Variants in LUZP2 observed in about 807,000 individuals in gnomAD.
LUZP2 encodes leucine zipper protein 2.
In LUZP2, 52 loss-of-function variants were observed where a neutral mutation model predicts 51.6. That is an observed-to-expected ratio of 1.01 (90% CI 0.81 to 1.27). LUZP2 has a LOEUF of 1.27. Among genes scored for constraint, LUZP2 ranks in the 50% most tolerant of loss-of-function variants. The pLI is 0.00. For missense variants in LUZP2, 436 were observed against 395.4 expected, an observed-to-expected ratio of 1.10 and a Z score of -0.87; for synonymous variants, 154 against 137.3, an observed-to-expected ratio of 1.12 and a Z score of -0.85.
At chr11:24,804,317 G>T (rs1292675882) in intron 5 of LUZP2, among the ~76,000 whole-genome samples, 4 of 152,108 alleles carry the variant, frequency 2.6e-5, no homozygotes, top group Non-Finnish European at 5.9e-5. Context: ...TCAAAGGTAG[G>T]AATGTTATAG....
intron 1 of LUZP2, among the ~76,000 whole-genome samples, chr11:24,607,508 G>A (rs1271636530): frequency 6.6e-6 from 1 of 151,524 alleles, no homozygotes; most frequent in Non-Finnish European, 1.5e-5. Context: ...TCCATTGTCT[G>A]CTTTTATGTC....
rs146322700 is a variant in LUZP2 at position 25,004,431 on chromosome 11, G to A, written c.765+21138G>A. 1.1e-3 allele frequency among the ~76,000 whole-genome samples: 162 copies of A among 152,266 alleles called. 3 individuals carry two copies. The East Asian group carries it at 0.028, about 27-fold the overall frequency. ...TCTGATCTCGCTTTTCCTTTTGGGT[G>A]TGTTCCTCTTGGTCCATATTATAGA... is the stretch of plus-strand genomic sequence containing the variant. On this transcript the variant is annotated intron_variant, in intron 9 of 11. Coordinates refer to ENST00000336930, the MANE Select transcript of LUZP2 (RefSeq NM_001009909.4).
chr11:24,829,367 C>A (rs565335098), intron 5 of LUZP2, among the ~76,000 whole-genome samples: 2 of 152,234 alleles, frequency 1.3e-5, no homozygotes, highest in Non-Finnish European at 2.9e-5. Flanking sequence ...ACACCTCCCC[C>A]ACAGTGCACA....
chr11:25,058,574 C>A (rs184014916), intron 10 of LUZP2, among the ~76,000 whole-genome samples: 1 of 152,226 alleles, frequency 6.6e-6, no homozygotes, highest in Admixed American at 6.5e-5. Context: ...TCACAGTACA[C>A]CTTGTATTTT....
chr11:24,571,110 G>T (rs1464533916), intron 1 of LUZP2, among the ~76,000 whole-genome samples: 1 of 152,018 alleles, frequency 6.6e-6, no homozygotes, highest in East Asian at 1.9e-4. Context: ...AAGATCAGAT[G>T]GGTTGCCACA....
chr11:25,047,528 A>G (rs1283614605), intron 9 of LUZP2, among the ~76,000 whole-genome samples: 1 of 152,024 alleles, frequency 6.6e-6, no homozygotes, highest in Non-Finnish European at 1.5e-5. Context: ...TGCTAAAAAC[A>G]TACCTTTTCT....
intron 1 of LUZP2, among the ~76,000 whole-genome samples, chr11:24,723,085 G>A (rs1858338615): frequency 6.6e-6 from 1 of 152,078 alleles, no homozygotes; most frequent in African/African-American, 2.4e-5. Flanking sequence ...TCATGAGTGA[G>A]CATTTTATAA....
intron 7 of LUZP2, among the ~76,000 whole-genome samples, chr11:24,945,699 C>T (rs1227846208): frequency 6.6e-6 from 1 of 152,050 alleles, no homozygotes; most frequent in Non-Finnish European, 1.5e-5. Flanking sequence ...TTACATTTCT[C>T]ATGGTTTTCC....
intron 1 of LUZP2, among the ~76,000 whole-genome samples, chr11:24,630,827 T>C (rs976693689): frequency 1.3e-5 from 2 of 151,958 alleles, no homozygotes; most frequent in Admixed American, 6.6e-5. Context: ...TTCTGATCTA[T>C]GAGCATGGGG....
chr11:24,671,627 A>C (rs2134002833), intron 1 of LUZP2, among the ~76,000 whole-genome samples: 1 of 151,966 alleles, frequency 6.6e-6, no homozygotes, highest in East Asian at 1.9e-4. Context: ...TACTGCTTAC[A>C]AGTAGACTCT....
intron 5 of LUZP2, among the ~76,000 whole-genome samples, chr11:24,793,998 A>C (rs1564900549): frequency 6.6e-6 from 1 of 152,188 alleles, no homozygotes; most frequent in African/African-American, 2.4e-5. Flanking sequence ...GTCTGAGAAG[A>C]TACAAGGATC....
chr11:25,013,946 G>A (rs550379993), intron 9 of LUZP2, among the ~76,000 whole-genome samples: 3 of 151,642 alleles, frequency 2.0e-5, no homozygotes, highest in Non-Finnish European at 4.4e-5. Context: ...TCCCCTTCCT[G>A]TGTCCATGTG....
intron 1 of LUZP2, among the ~76,000 whole-genome samples, chr11:24,643,883 G>T (rs1001889806): frequency 1.9e-4 from 29 of 152,038 alleles, no homozygotes; most frequent in African/African-American, 6.5e-4. Context: ...TTTCATCCTG[G>T]GATAATTCTA....
chr11:24,977,999 A>G (rs1312030141), intron 8 of LUZP2, among the ~76,000 whole-genome samples: 1 of 151,634 alleles, frequency 6.6e-6, no homozygotes, highest in African/African-American at 2.4e-5. Context: ...GATGATTGCA[A>G]TTATAAACTT....
chr11:24,899,138 C>A (rs1224384634), intron 5 of LUZP2, among the ~76,000 whole-genome samples: 2 of 152,098 alleles, frequency 1.3e-5, no homozygotes, highest in African/African-American at 4.8e-5. Flanking sequence ...TATTCACTTG[C>A]ATTTATATAT....
chr11:24,999,706 T>G (rs542019124), intron 9 of LUZP2, among the ~76,000 whole-genome samples: 1 of 152,118 alleles, frequency 6.6e-6, no homozygotes, highest in Non-Finnish European at 1.5e-5. Flanking sequence ...GTTATATATA[T>G]TTCTAAGCAC....
chr11:24,759,754 TG>T (rs1859914176), intron 4 of LUZP2, among the ~76,000 whole-genome samples: 1 of 152,162 alleles, frequency 6.6e-6, no homozygotes, highest in South Asian at 2.1e-4. Context: ...AGCTGTTTTT[TG>T]GGGGATGCAC....
intron 6 of LUZP2, among the ~76,000 whole-genome samples, chr11:24,910,728 C>T (rs73444427): frequency 0.021 from 3,205 of 152,304 alleles, 112 homozygotes; most frequent in African/African-American, 0.073. Flanking sequence ...TGGATAACCT[C>T]TTCTAGGGAA....
At chr11:24,753,315 G>T (rs545762761) in intron 4 of LUZP2, among the ~76,000 whole-genome samples, 1 of 152,116 alleles carries the variant, frequency 6.6e-6, no homozygotes, top group Non-Finnish European at 1.5e-5. Context: ...GCTTCCATGC[G>T]CTCGCTGGAC....
Sources: allele counts gnomAD v4.1 joint callset (sites outside exome capture counted in the v4.1 genomes callset), GRCh38; gene constraint gnomAD v4.1.1; transcripts MANE v1.5; gene names NCBI Gene and HGNC (gene_info 2026-07-23, HGNC 2026-07-21).